DACT2: variants seen among roughly 807,000 people sequenced by gnomAD.
The protein encoded by DACT2 is dishevelled binding antagonist of beta catenin 2.
DACT2 carries 20 observed loss-of-function variants against 22.2 expected under a neutral mutation model. That is an observed-to-expected ratio of 0.90 (90% CI 0.63 to 1.31). The LOEUF (loss-of-function observed/expected upper bound fraction) is 1.31, where lower values mean the gene tolerates loss of function less well. Among genes scored for constraint, DACT2 ranks in the 50% most tolerant of loss-of-function variants. The probability of loss-of-function intolerance (pLI) is 0.00; values close to 1 mark genes in which losing one functional copy is unlikely to be tolerated. For synonymous variants in DACT2, 463 were observed against 479.8 expected, an observed-to-expected ratio of 0.96 and a Z score of 0.46; for missense variants, 1,048 against 1,061.4, an observed-to-expected ratio of 0.99 and a Z score of 0.18.
At chr6:168,298,672 G>A (rs1562490844) in intron 3 of DACT2, 1 of 152,314 alleles carries the variant, frequency 6.6e-6, no homozygotes. Flanking sequence ...TAGCTACTGT[G>A]GAGATTACAC....
intron 5 of DACT2, chr6:168,294,073 C>T (rs1016994410): frequency 1.3e-5 from 9 of 702,880 alleles, no homozygotes; most frequent in Middle Eastern, 2.3e-4. Flanking sequence ...AGCACAGACC[C>T]GCGATGGCAG....
Position 168,319,603 on chromosome 6 carries a change from C to T in DACT2, c.31G>A (p.Ala11Thr). The T allele has an allele frequency of 6.7e-6, 9 of 1,340,344 alleles. No homozygotes were observed. The highest frequency in any genetic ancestry group is 6.7e-6 in the Non-Finnish European group (7 of 1,040,636). 83.0% of individuals were successfully genotyped at this position (1,340,344 alleles called of 1,614,324 possible). A position where few individuals can be genotyped will look rare whatever the true frequency, so the allele number is the denominator to read the frequency against. Residue 11 changes from alanine to threonine, a missense_variant, in exon 1 of 4, where the codon GCG (alanine) becomes ACG (threonine). Coordinates refer to ENST00000366795, the MANE Select transcript of DACT2 (RefSeq NM_214462.5). Reference protein sequence around the residue: MWTPGGPPGSAGWDRRRLGAR... With the variant: MWTPGGPPGSTGWDRRRLGAR... The stretch of plus-strand genomic sequence containing the variant: ...CCCAACCTACGGCGGTCCCAGCCCG[C>T]GGACCCCGGGGGTCCGCCCGGCGTC...
At chr6:168,299,048 G>A (rs1779057335) in intron 3 of DACT2, 1 of 152,144 alleles carries the variant, frequency 6.6e-6, no homozygotes, top group Non-Finnish European at 1.5e-5. Context: ...ATAAATCTCA[G>A]AGTTAGTGAA....
At chr6:168,319,121 A>G (rs2114922371) in intron 1 of DACT2, among the ~76,000 whole-genome samples, 1 of 152,280 alleles carries the variant, frequency 6.6e-6, no homozygotes, top group South Asian at 2.1e-4. Context: ...TGGCGTGGGT[A>G]GGCGCACATC....
rs866825669 is a variant in DACT2, at chr6:168,308,495, G to A, written c.1262C>T (p.Pro421Leu). 2 of 1,551,570 alleles carry A rather than the reference G, an allele frequency of 1.3e-6. No homozygotes were observed. Among genetic ancestry groups the A allele is most frequent in the Non-Finnish European group, 1.7e-6 (2 of 1,146,932 alleles). ...GTTTGAGGGCTTGGAGCCCTCCTCT[G>A]GAAGGCTGCCAGACTGCTGGGGACC... ...LEGPQQSGSL[P>L]EEGSKPSNSC... The change falls in exon 4 of 4, where the codon CCA (proline) becomes CTA (leucine). Residue 421 changes from proline to leucine, a missense_variant. Transcript: ENST00000366795.
At position 168,307,867 on chromosome 6, in the gene DACT2, C is replaced by A. The variant is rs1257377703; in HGVS notation, c.1890G>T (p.Gly630=). Residue 630 remains glycine (G), a synonymous_variant, in exon 4 of 4, where the codon GGG becomes GGT. Transcript: ENST00000366795. The surrounding 1 kb of genome is among the most constrained non-coding windows in gnomAD (Gnocchi z 5.3). ...RLASCPESNL[G]PPRPVARRAG... ...CTCTCCTGGCCACGGGCCTGGGGGG[C>A]CCCAGGTTAGACTCAGGACAGCTGG... is the stretch of plus-strand genomic sequence containing the variant. 1.3e-6 allele frequency: 2 copies of A among 1,538,808 alleles called. No homozygotes were observed. The highest frequency in any genetic ancestry group is 1.4e-5 in the African/African-American group (1 of 72,886).
In DACT2 at chr6:168,301,760, C is replaced by T. The variant is rs1217116971; in HGVS notation, c.659-7056G>A. On this transcript the variant is annotated intron_variant, in intron 3 of 5. Coordinates refer to the DACT2 transcript ENST00000366796. Reference sequence around the variant, plus strand: ...CATCTCTGCCTGCCCAGCCCACTCACTGCGGCAAGCCCTGAATAAACAACC... The same window carrying T: ...CATCTCTGCCTGCCCAGCCCACTCATTGCGGCAAGCCCTGAATAAACAACC... Among the ~76,000 whole-genome samples, 6 of 152,256 alleles carry T rather than the reference C, an allele frequency of 3.9e-5. No homozygotes were observed. In the East Asian group the frequency reaches 9.6e-4, roughly 24 times the overall value.
At chr6:168,310,543 G>T in intron 2 of DACT2, 97 bp from the exon 3 acceptor site, 2 of 1,473,254 alleles carry the variant, frequency 1.4e-6, no homozygotes, top group Non-Finnish European at 9.0e-7. Context: ...TGGGCCCAGG[G>T]GAACCCCTGA....
rs532988991 is a variant in DACT2, at chr6:168,310,364, C to T, written c.462G>A (p.Ser154=). 66 of 1,551,598 alleles carry T rather than the reference C, an allele frequency of 4.3e-5. No homozygotes were observed. In the African/African-American group the frequency reaches 6.4e-4, roughly 15 times the overall value. The change falls in exon 3 of 4, where the codon TCG becomes TCA. Residue 154 remains serine, a synonymous_variant. Transcript: ENST00000366795. ...ASVCSDHISP[S]LGSLLPVAQA... is the part of the protein sequence containing the mutation. ...GGGCCACAGGCAACAAACTGCCCAGCGAGGGAGAGATGTGGTCACTGCAGA... is the reference window on the plus strand; with the variant it reads ...GGGCCACAGGCAACAAACTGCCCAGTGAGGGAGAGATGTGGTCACTGCAGA...
At chr6:168,302,856 C>A (rs2114897788), downstream of DACT2, among the ~76,000 whole-genome samples, 1 of 152,232 alleles carries the variant, frequency 6.6e-6, no homozygotes, top group Admixed American at 6.5e-5. Context: ...GTGGCGGGGC[C>A]CATGTGACGT....
intron 3 of DACT2, among the ~76,000 whole-genome samples, chr6:168,301,270 A>C (rs1779099292): frequency 6.6e-6 from 1 of 152,148 alleles, no homozygotes; most frequent in East Asian, 1.9e-4. Flanking sequence ...CTGGAACTTC[A>C]GCCTCCCAGA....
At chr6:168,298,052 T>C (rs1779038053) in intron 3 of DACT2, 1 of 152,224 alleles carries the variant, frequency 6.6e-6, no homozygotes, top group African/African-American at 2.4e-5. Flanking sequence ...TGATGTAATA[T>C]TGAGTGAACA....
chr6:168,314,662 G>A (rs1477198825), intron 1 of DACT2, among the ~76,000 whole-genome samples: 1 of 152,148 alleles, frequency 6.6e-6, no homozygotes, highest in Non-Finnish European at 1.5e-5. Flanking sequence ...TCCAGACATC[G>A]CAACACCTTT....
At chr6:168,294,654 A>C in exon 4 of DACT2, 1 of 1,481,670 alleles carries the variant, frequency 6.7e-7, no homozygotes, top group Non-Finnish European at 8.9e-7. Context: ...CTGGAGGTGC[A>C]GCCTGCAGGC....
chr6:168,306,639 A>T (rs796183632), downstream of DACT2, among the ~76,000 whole-genome samples: 2 of 149,960 alleles, frequency 1.3e-5, no homozygotes, highest in African/African-American at 4.9e-5. Context: ...TTTAGCAGAG[A>T]CGGGGTTTCA....
chr6:168,293,740 G>T (rs1778950531), exon 6 of DACT2: 1 of 652,594 alleles, frequency 1.5e-6, no homozygotes, highest in Non-Finnish European at 2.8e-6. Flanking sequence ...CTTCTCTGCA[G>T]CTCCCACTGG....
downstream of DACT2, among the ~76,000 whole-genome samples, chr6:168,304,524 T>G (rs570165116): frequency 1.9e-3 from 288 of 152,366 alleles, no homozygotes; most frequent in African/African-American, 6.6e-3. Flanking sequence ...GCCCTGGGCC[T>G]GCACGTGGCA....
At chr6:168,310,829 G>C (rs1352030857) in intron 2 of DACT2, among the ~76,000 whole-genome samples, 1 of 152,134 alleles carries the variant, frequency 6.6e-6, no homozygotes, top group Admixed American at 6.5e-5. Context: ...CTTCCCTGGT[G>C]CCTGCCAAGT....
chr6:168,309,229 T>C (rs1351384623), intron 3 of DACT2, 131 bp from the exon 4 acceptor site: 3 of 1,379,746 alleles, frequency 2.2e-6, no homozygotes, highest in African/African-American at 1.5e-5. Flanking sequence ...CTGGGTCCCA[T>C]GGGAGACGGC....
Sources: gnomAD v4.1 joint callset for allele counts (sites outside exome capture counted in the v4.1 genomes callset) on GRCh38, gnomAD v4.1.1 for gene constraint, Gnocchi (gnomAD v3.1) non-coding constraint, MANE v1.5 for transcripts, NCBI Gene and HGNC (gene_info 2026-07-23, HGNC 2026-07-21) for gene names.